Variants in SGCZ observed in about 807,000 individuals in gnomAD.
SGCZ encodes the protein sarcoglycan zeta.
In SGCZ, 40 loss-of-function variants were observed where a neutral mutation model predicts 41.3. That is an observed-to-expected ratio of 0.97 (90% CI 0.75 to 1.26). The LOEUF (loss-of-function observed/expected upper bound fraction) is 1.26. Ranked by LOEUF, SGCZ falls within the 50% of genes most tolerant of loss-of-function variation. The probability of loss-of-function intolerance (pLI) is 0.00; values close to 1 mark genes in which losing one functional copy is unlikely to be tolerated. For missense variants in SGCZ, 552 were observed against 369.8 expected, an observed-to-expected ratio of 1.49 and a Z score of -4.04; for synonymous variants, 206 against 137.5, an observed-to-expected ratio of 1.50 and a Z score of -3.49.
At chr8:14,339,720 G>C (rs1000664275) in intron 2 of SGCZ, among the ~76,000 whole-genome samples, 6 of 152,028 alleles carry the variant, frequency 3.9e-5, no homozygotes, top group Non-Finnish European at 8.8e-5. Flanking sequence ...CTGAAGCAAA[G>C]GAATAGATCT....
rs565186726 is a variant in SGCZ, at chr8:14,676,552, T to G, written c.40-121626A>C. 6.6e-5 allele frequency among the ~76,000 whole-genome samples: 10 copies of G among 152,250 alleles called. No homozygotes were observed. The East Asian group carries it at 1.9e-3, about 29-fold the overall frequency. ...AAACCTCAAAATTAATCACAATGATTTAACTGCCTCACAGGAAAATAGTCC... is the reference window on the plus strand; with the variant it reads ...AAACCTCAAAATTAATCACAATGATGTAACTGCCTCACAGGAAAATAGTCC... On this transcript the variant is annotated intron_variant, in intron 1 of 7. Coordinates refer to ENST00000382080, the MANE Select transcript of SGCZ (RefSeq NM_139167.4).
chr8:14,263,754 C>G (rs1799762881), intron 3 of SGCZ, among the ~76,000 whole-genome samples: 1 of 151,832 alleles, frequency 6.6e-6, no homozygotes, highest in South Asian at 2.1e-4. Context: ...CTGATTTTAG[C>G]ATAAAAACAA....
At chr8:14,108,542 A>G (rs1802278885) in intron 5 of SGCZ, among the ~76,000 whole-genome samples, 1 of 152,130 alleles carries the variant, frequency 6.6e-6, no homozygotes, top group Admixed American at 6.5e-5. Flanking sequence ...AACCCCTGAT[A>G]ATACCATCAG....
chr8:14,914,300 G>A (rs947238820), intron 1 of SGCZ, among the ~76,000 whole-genome samples: 19 of 151,830 alleles, frequency 1.3e-4, no homozygotes, highest in South Asian at 2.1e-4. Context: ...AGATATCACC[G>A]TCATAAATAT....
At chr8:14,164,339 C>G (rs544492128) in intron 5 of SGCZ, among the ~76,000 whole-genome samples, 3 of 152,098 alleles carry the variant, frequency 2.0e-5, no homozygotes, top group African/African-American at 7.2e-5. Context: ...TCATTTTCTT[C>G]CCCCTGCCTC....
At chr8:14,444,704 C>T (rs976679660) in intron 2 of SGCZ, among the ~76,000 whole-genome samples, 10 of 151,574 alleles carry the variant, frequency 6.6e-5, no homozygotes, top group African/African-American at 1.9e-4. Context: ...GGAGATATAC[C>T]TAATGCTAAA....
chr8:14,230,582 T>C (rs1806527152), intron 4 of SGCZ, among the ~76,000 whole-genome samples: 1 of 152,074 alleles, frequency 6.6e-6, no homozygotes, highest in South Asian at 2.1e-4. Context: ...TTCCTAAAAA[T>C]AGTTTCTGAA....
intron 1 of SGCZ, among the ~76,000 whole-genome samples, chr8:14,678,908 C>G (rs1188706263): frequency 1.3e-5 from 2 of 152,142 alleles, no homozygotes; most frequent in African/African-American, 4.8e-5. Context: ...GTGCATATTA[C>G]TAAATGACAG....
intron 1 of SGCZ, among the ~76,000 whole-genome samples, chr8:15,168,809 G>C (rs75132252): frequency 6.6e-6 from 1 of 152,122 alleles, no homozygotes; most frequent in Non-Finnish European, 1.5e-5. Context: ...CCTCCCCTCA[G>C]ATGCATCCTC....
intron 1 of SGCZ, among the ~76,000 whole-genome samples, chr8:14,668,040 T>G (rs2117501692): frequency 6.6e-6 from 1 of 152,240 alleles, no homozygotes; most frequent in Non-Finnish European, 1.5e-5. Flanking sequence ...CACTGCAACC[T>G]CCGCCTCCCA....
chr8:14,631,200 G>A (rs1296331535), intron 1 of SGCZ, among the ~76,000 whole-genome samples: 1 of 152,004 alleles, frequency 6.6e-6, no homozygotes, highest in Non-Finnish European at 1.5e-5. Flanking sequence ...CTCCTCAGGG[G>A]TGAGGAGTCT....
intron 1 of SGCZ, among the ~76,000 whole-genome samples, chr8:14,832,067 GAA>G (rs1166446041): frequency 1.3e-5 from 2 of 152,080 alleles, no homozygotes; most frequent in African/African-American, 4.8e-5. Flanking sequence ...CAGTTTCAAT[GAA>G]AACGACAATA....
At chr8:14,101,897 T>G (rs1802032998) in intron 7 of SGCZ, among the ~76,000 whole-genome samples, 1 of 151,698 alleles carries the variant, frequency 6.6e-6, no homozygotes, top group African/African-American at 2.4e-5. Context: ...TTTGTTTGTT[T>G]GTTTGTTTGT....
At chr8:15,138,147 G>C (rs966100863) in intron 1 of SGCZ, among the ~76,000 whole-genome samples, 7 of 152,186 alleles carry the variant, frequency 4.6e-5, no homozygotes, top group Admixed American at 4.6e-4. Context: ...ATGCCTTACT[G>C]GATTTTGGAC....
chr8:14,485,853 G>A (rs1230540769), intron 2 of SGCZ, among the ~76,000 whole-genome samples: 1 of 18,548 alleles, frequency 5.4e-5, no homozygotes, highest in Non-Finnish European at 1.4e-4. Context: ...TTTTTTTTTT[G>A]AGACGGAGTC....
chr8:14,689,908 C>T (rs1428628534), intron 1 of SGCZ, among the ~76,000 whole-genome samples: 1 of 152,196 alleles, frequency 6.6e-6, no homozygotes, highest in Non-Finnish European at 1.5e-5. Context: ...GACAATGTCA[C>T]TTACTGCCTA....
At chr8:14,840,795 A>G (rs1382278603) in intron 1 of SGCZ, among the ~76,000 whole-genome samples, 1 of 151,896 alleles carries the variant, frequency 6.6e-6, no homozygotes, top group Non-Finnish European at 1.5e-5. Context: ...ACTCTTTTTA[A>G]CTTTATGAGA....
At chr8:15,164,989 G>C (rs1799617841) in intron 1 of SGCZ, among the ~76,000 whole-genome samples, 1 of 152,098 alleles carries the variant, frequency 6.6e-6, no homozygotes, top group Non-Finnish European at 1.5e-5. Context: ...TGTGTGATGT[G>C]TGTCAAAAGA....
intron 1 of SGCZ, among the ~76,000 whole-genome samples, chr8:14,960,931 GCACACACACA>G (rs56258079): frequency 1.0e-4 from 15 of 144,460 alleles, no homozygotes; most frequent in African/African-American, 2.1e-4. Context: ...CAAGGAAATG[GCACACACACA>G]CACACACACA....
Sources: allele counts gnomAD v4.1 joint callset (sites outside exome capture counted in the v4.1 genomes callset), GRCh38; gene constraint gnomAD v4.1.1; transcripts MANE v1.5; gene names NCBI Gene and HGNC (gene_info 2026-07-23, HGNC 2026-07-21).